The following HOXA11 variants were observed in gnomAD, a reference collection of about 807,000 sequenced individuals.
HOXA11 encodes the protein homeobox A11, also known as homeobox protein Hox-A11.
In HOXA11, 8 loss-of-function variants were observed where a neutral mutation model predicts 22.5. The observed-to-expected ratio is 0.36, with a 90% confidence interval of 0.21 to 0.64. HOXA11 has a LOEUF of 0.64. Ranked by LOEUF, HOXA11 falls within the 30% of genes least tolerant of loss-of-function variation. The pLI is 0.67. For synonymous variants in HOXA11, 211 were observed against 188.4 expected (o/e 1.12, Z -0.98); for missense variants, 388 against 429.0 (o/e 0.90, Z 0.84).
chr7:27,184,570 G>C lies in HOXA11; in HGVS notation c.575C>G (p.Ser192Trp). ...AATGAPATSS[S>W]DSGGGGGCRE... ...GCAGCCGCCGCCGCCGCCGCTGTCCGAACTTGAAGTTGCCGGCGCGCCCGT... is the reference window on the plus strand; with the variant it reads ...GCAGCCGCCGCCGCCGCCGCTGTCCCAACTTGAAGTTGCCGGCGCGCCCGT... The change falls in exon 1 of 2, where the codon TCG becomes TGG. Residue 192 changes from serine (S) to tryptophan (W), a missense_variant. Around this residue, in one of 4 missense-constraint regions of HOXA11, gnomAD observed 295 missense variants for 281.1 expected, o/e 1.05. Coordinates refer to ENST00000006015, the MANE Select transcript of HOXA11 (RefSeq NM_005523.6). The C allele has an allele frequency of 6.7e-7, 1 of 1,489,362 alleles. No individual in the cohort carries two copies. Among genetic ancestry groups the C allele is most frequent in the Non-Finnish European group, 9.0e-7 (1 of 1,117,186 alleles). 92.3% of individuals were successfully genotyped at this position (1,489,362 alleles called of 1,614,324 possible).
chr7:27,182,585 G>T lies in HOXA11; in HGVS notation c.*211C>A. 1 of 619,312 alleles carries T rather than the reference G, an allele frequency of 1.6e-6. No homozygotes were observed. 38.4% of individuals were successfully genotyped at this position (619,312 alleles called of 1,614,324 possible). The stretch of plus-strand genomic sequence containing the variant: ...AACCTGTCATTCTAGCTGATGCACA[G>T]CTCTCAGAATCCAATGATTATTAGG... On this transcript the variant is annotated 3_prime_UTR_variant, in exon 2 of 2. Transcript: ENST00000006015.
chr7:27,182,013 G>C lies in HOXA11; in HGVS notation c.*783C>G, dbSNP rs1246019356. 3 of 231,544 alleles carry C rather than the reference G, an allele frequency of 1.3e-5. No homozygotes were observed. The highest frequency in any genetic ancestry group is 6.6e-5 in the African/African-American group (3 of 45,238). 14.3% of individuals were successfully genotyped at this position (231,544 alleles called of 1,614,324 possible). A position where few individuals can be genotyped will look rare whatever the true frequency, so the allele number is the denominator to read the frequency against. On this transcript the variant is annotated 3_prime_UTR_variant, in exon 2 of 2. Coordinates refer to ENST00000006015, the MANE Select transcript of HOXA11 (RefSeq NM_005523.6). ...AGAGATCTCAGGGGCCAGTGGCCTGGCTGCAGCCTCTTGGCTTTTCCACAT... is the reference window on the plus strand; with the variant it reads ...AGAGATCTCAGGGGCCAGTGGCCTGCCTGCAGCCTCTTGGCTTTTCCACAT...
Position 27,184,780 on chromosome 7 carries a change from A to C in HOXA11, c.365T>G (p.Val122Gly), listed in dbSNP as rs751732678. ...CACGGTGCTATAGAAATTGGACGAG[A>C]CTGCGGGGGTGGGGTGGTGGTAGAC... The part of the protein sequence containing the change: ...ANVYHHPTPA[V>G]SSNFYSTVGR... The change falls in exon 1 of 2, where the codon GTC becomes GGC. Residue 122 changes from valine to glycine, a missense_variant. Around this residue, in one of 4 missense-constraint regions of HOXA11, gnomAD observed 295 missense variants for 281.1 expected, o/e 1.05. Transcript: ENST00000006015. 2 of 1,613,794 alleles carry C rather than the reference A, an allele frequency of 1.2e-6. No homozygotes were observed. Among genetic ancestry groups the C allele is most frequent in the Admixed American group, 1.7e-5 (1 of 60,016 alleles).
chr7:27,184,466 C>A lies in HOXA11; in HGVS notation c.679G>T (p.Gly227Cys), dbSNP rs771859968. The change falls in exon 1 of 2, where the codon GGC (glycine) becomes TGC (cysteine). Residue 227 changes from glycine to cysteine, a missense_variant. By Grantham distance (159) the Gly-to-Cys change is radical. Coordinates refer to ENST00000006015, the MANE Select transcript of HOXA11 (RefSeq NM_005523.6). ...ESSSSPESSS[G>C]HTEDKAGGSS... is the part of the protein sequence containing the mutation. ...CCGCCGGCCTTGTCCTCAGTGTGGC[C>A]GGAAGACGACTCGGGGCTGCTGCTG... The A allele has an allele frequency of 6.4e-7, 1 of 1,561,124 alleles. No homozygotes were observed. Among genetic ancestry groups the A allele is most frequent in the Non-Finnish European group, 8.7e-7 (1 of 1,153,512 alleles).
At chr7:27,183,546 A>G (rs1783802162) in intron 1 of HOXA11, among the ~76,000 whole-genome samples, 1 of 152,166 alleles carries the variant, frequency 6.6e-6, no homozygotes, top group Non-Finnish European at 1.5e-5. Flanking sequence ...AGTCCTGGCC[A>G]CCAGCTTCTG....
rs981294187 is a variant in HOXA11 at position 27,184,505 on chromosome 7, G to T, written c.640C>A (p.Arg214=). Residue 214 remains arginine, a synonymous_variant, in exon 1 of 2, where the codon CGG becomes AGG. Coordinates refer to ENST00000006015, the MANE Select transcript of HOXA11 (RefSeq NM_005523.6). ...AAAAEEKERR[R]RPESSSSPES... is the part of the protein sequence containing the mutation. ...GGGCTGCTGCTGCTCTCGGGGCGCCGCCGCCGCTCTTTCTCCTCTGCTGCC... is the reference window on the plus strand; with the variant it reads ...GGGCTGCTGCTGCTCTCGGGGCGCCTCCGCCGCTCTTTCTCCTCTGCTGCC... 7.2e-6 allele frequency: 11 copies of T among 1,533,482 alleles called. No homozygotes were observed. Among genetic ancestry groups the T allele is most frequent in the Non-Finnish European group, 8.8e-6 (10 of 1,139,886 alleles). The allele number at this position is 1,533,482 out of a possible 1,614,324, so 95.0% of individuals were successfully genotyped here. A position where few individuals can be genotyped will look rare whatever the true frequency, so the allele number is the denominator to read the frequency against.
In HOXA11 at chr7:27,185,117, A is replaced by G. The variant is rs1783843862; in HGVS notation, c.28T>C (p.Ser10Pro). The G allele has an allele frequency of 6.2e-7, 1 of 1,614,030 alleles. No individual in the cohort carries two copies. ...CAACTTGGCAAATACATGTTAGAGG[A>G]GCAGGGACCACGCTCATCAAAATCC... MDFDERGPCSSNMYLPSCTY... is the reference protein window; with the variant it reads MDFDERGPCPSNMYLPSCTY... The change falls in exon 1 of 2, where the codon TCC becomes CCC. Residue 10 changes from serine to proline, a missense_variant. Transcript: ENST00000006015.
At position 27,182,901 on chromosome 7, in the gene HOXA11, G is replaced by T. The variant is rs766983697; in HGVS notation, c.837C>A (p.Asn279Lys). Residue 279 changes from asparagine to lysine, a missense_variant, in exon 2 of 2, where the codon AAC (asparagine) becomes AAA (lysine). Coordinates refer to ENST00000006015, the MANE Select transcript of HOXA11 (RefSeq NM_005523.6). ...EKRLQLSRML[N>K]LTDRQVKIWF... Reference sequence around the variant, plus strand: ...AGATTTTGACTTGACGATCAGTGAGGTTGAGCATGCGGGACAGTTGCAGGC... The same window carrying T: ...AGATTTTGACTTGACGATCAGTGAGTTTGAGCATGCGGGACAGTTGCAGGC... 3.1e-6 allele frequency: 5 copies of T among 1,613,970 alleles called. No individual in the cohort carries two copies. The highest frequency in any genetic ancestry group is 4.2e-6 in the Non-Finnish European group (5 of 1,179,846).
intron 1 of HOXA11, 58 bp downstream of exon 1, chr7:27,184,378 C>T: frequency 6.6e-7 from 1 of 1,519,530 alleles, no homozygotes; most frequent in Non-Finnish European, 8.9e-7. Context: ...AACAGCGGTG[C>T]TGCGCTAGAT....
rs1471600395 is a variant in HOXA11 at position 27,181,361 on chromosome 7, G to C, written c.*1435C>G. ...CCAGATGAGATCCCCAGGCCGGCCA[G>C]GCCGACTGCCTCTGAGCATTTCCCT... On this transcript the variant is annotated 3_prime_UTR_variant, in exon 2 of 2. Coordinates refer to ENST00000006015, the MANE Select transcript of HOXA11 (RefSeq NM_005523.6). 4.8e-6 allele frequency: 1 copy of C among 207,898 alleles called. No individual in the cohort carries two copies. The highest frequency in any genetic ancestry group is 7.1e-5 in the East Asian group (1 of 14,010). The allele number at this position is 207,898 out of a possible 1,614,324, so 12.9% of individuals were successfully genotyped here. A position where few individuals can be genotyped will look rare whatever the true frequency, so the allele number is the denominator to read the frequency against.
chr7:27,181,356 G>A lies in HOXA11; in HGVS notation c.*1440C>T, dbSNP rs557225444. Among the ~76,000 whole-genome samples the A allele has an allele frequency of 5.9e-5, 9 of 152,232 alleles. No homozygotes were observed. Among genetic ancestry groups the A allele is most frequent in the South Asian group, 4.2e-4 (2 of 4,818 alleles). ...CTTTCCCAGATGAGATCCCCAGGCC[G>A]GCCAGGCCGACTGCCTCTGAGCATT... On this transcript the variant is annotated 3_prime_UTR_variant, in exon 2 of 2. Transcript: ENST00000006015.
In HOXA11 at chr7:27,181,731, T is replaced by C. The variant is rs1268422427; in HGVS notation, c.*1065A>G. On this transcript the variant is annotated 3_prime_UTR_variant, in exon 2 of 2. Coordinates refer to ENST00000006015, the MANE Select transcript of HOXA11 (RefSeq NM_005523.6). ...ATATATATATATATAATATAATATT[T>C]ATCTTTTAAAATAATTCCACCTCAC... is the stretch of plus-strand genomic sequence containing the variant. 1.7e-5 allele frequency: 3 copies of C among 178,100 alleles called. No individual in the cohort carries two copies. In the East Asian group the frequency reaches 2.9e-4, roughly 17 times the overall value. 11.0% of individuals were successfully genotyped at this position (178,100 alleles called of 1,614,324 possible).
Position 27,181,163 on chromosome 7 carries a change from T to G in HOXA11, c.*1633A>C, listed in dbSNP as rs1295783380. 6.7e-6 allele frequency among the ~76,000 whole-genome samples: 1 copy of G among 150,212 alleles called. No individual in the cohort carries two copies. Among genetic ancestry groups the G allele is most frequent in the Non-Finnish European group, 1.5e-5 (1 of 67,298 alleles). On this transcript the variant is annotated 3_prime_UTR_variant, in exon 2 of 2. Transcript: ENST00000006015. Reference sequence around the variant, plus strand: ...GAATGTCACACCAGGATACTCAAATTTCCACCGTCTTTATTTTCCTTGTGC... The same window carrying G: ...GAATGTCACACCAGGATACTCAAATGTCCACCGTCTTTATTTTCCTTGTGC...
At chr7:27,183,249 C>CG in intron 1 of HOXA11, among the ~76,000 whole-genome samples, 1 of 152,370 alleles carries the variant, frequency 6.6e-6, no homozygotes, top group East Asian at 1.9e-4. Flanking sequence ...AAATAGGCCC[C>CG]CGGGGAAGCT....
rs1421938829 is a variant in HOXA11, at chr7:27,184,855, G to A, written c.290C>T (p.Pro97Leu). 1 of 1,612,752 alleles carries A rather than the reference G, an allele frequency of 6.2e-7. No individual in the cohort carries two copies. Among genetic ancestry groups the A allele is most frequent in the Non-Finnish European group, 8.5e-7 (1 of 1,179,592 alleles). The change falls in exon 1 of 2, where the codon CCC becomes CTC. Residue 97 changes from proline to leucine, a missense_variant. Pro to Leu is a moderately conservative substitution (Grantham distance 98). This residue lies in a region of HOXA11 where 295 missense variants were observed against 281.1 expected (regional missense o/e 1.05). Transcript: ENST00000006015. ...GTCGCCAGGCACGCCGGCCGCGCTG[G>A]GCGCCTGCAGGCAGTCTCTGTGCAC... ...ELVHRDCLQA[P>L]SAAGVPGDVL...
rs904759066 is a variant in HOXA11, at chr7:27,184,330, T to C, written c.709+106A>G. On this transcript the variant is annotated intron_variant, in intron 1 of 1. Transcript: ENST00000006015. ...TTGGGGGAAACCTAAAGGCCCTTCA[T>C]AAACCTTATATGCTTATAAAACAGC... 4 of 1,155,090 alleles carry C rather than the reference T, an allele frequency of 3.5e-6. No homozygotes were observed. The African/African-American group carries it at 6.4e-5, about 19-fold the overall frequency. The allele number at this position is 1,155,090 out of a possible 1,614,324, so 71.6% of individuals were successfully genotyped here.
chr7:27,183,747 TA>T (rs61633228), intron 1 of HOXA11, among the ~76,000 whole-genome samples: 4,080 of 53,530 alleles, frequency 0.076, 54 homozygotes, highest in African/African-American at 0.12. Flanking sequence ...GCTCCCCCTT[TA>T]AAAAAAAAAA....
rs1783776373 is a variant in HOXA11, at chr7:27,181,988, A to G, written c.*808T>C. The G allele has an allele frequency of 4.4e-6, 1 of 228,892 alleles. No individual in the cohort carries two copies. Among genetic ancestry groups the G allele is most frequent in the Non-Finnish European group, 8.7e-6 (1 of 115,304 alleles). The allele number at this position is 228,892 out of a possible 1,614,324, so 14.2% of individuals were successfully genotyped here. A position where few individuals can be genotyped will look rare whatever the true frequency, so the allele number is the denominator to read the frequency against. On this transcript the variant is annotated 3_prime_UTR_variant, in exon 2 of 2. Transcript: ENST00000006015. ...GCCACACTCCACAGCCATTTCCTGC[A>G]GAGATCTCAGGGGCCAGTGGCCTGG...
rs1783786307 is a variant in HOXA11, at chr7:27,182,461, G to A, written c.*335C>T. 3 of 456,270 alleles carry A rather than the reference G, an allele frequency of 6.6e-6. No homozygotes were observed. Among genetic ancestry groups the A allele is most frequent in the Non-Finnish European group, 1.2e-5 (3 of 246,984 alleles). 28.3% of individuals were successfully genotyped at this position (456,270 alleles called of 1,614,324 possible). A position where few individuals can be genotyped will look rare whatever the true frequency, so the allele number is the denominator to read the frequency against. ...CCCAGTAGAGGGAGGGTGTGGTGGG[G>A]TTAGTCTCCAGGGGGTCTGGCAGGG... is the stretch of plus-strand genomic sequence containing the variant. On this transcript the variant is annotated 3_prime_UTR_variant, in exon 2 of 2. Transcript: ENST00000006015.
Sources: allele counts gnomAD v4.1 joint callset (sites outside exome capture counted in the v4.1 genomes callset), GRCh38; gene constraint gnomAD v4.1.1; regional missense constraint gnomAD v4.1.1; transcripts MANE v1.5; gene names NCBI Gene and HGNC (gene_info 2026-07-23, HGNC 2026-07-21).